SLC22A25: variants seen among roughly 807,000 people sequenced by gnomAD.
The protein encoded by SLC22A25 is solute carrier family 22 member 25, also known as MGI:2442751, MGI:2385316, MGI:3042283, MGI:3645714, MGI:3605624, MGI:2442750.
Under a neutral mutation model 45.9 loss-of-function variants are expected in SLC22A25, and 44 were observed. The ratio of observed to expected loss-of-function variants is 0.96; its 90% CI spans 0.75 to 1.23. The LOEUF (loss-of-function observed/expected upper bound fraction) is 1.23, where lower values mean the gene tolerates loss of function less well. Ranked by LOEUF, SLC22A25 falls within the 50% of genes most tolerant of loss-of-function variation. SLC22A25 has a pLI of 0.00. For missense variants in SLC22A25, 800 were observed against 666.4 expected, an observed-to-expected ratio of 1.20 and a Z score of -2.21; for synonymous variants, 283 against 238.6, an observed-to-expected ratio of 1.19 and a Z score of -1.72.
chr11:63,208,463 C>G (rs1382205912), intron 7 of SLC22A25, among the ~76,000 whole-genome samples: 5 of 152,166 alleles, frequency 3.3e-5, no homozygotes, highest in Admixed American at 3.3e-4. Flanking sequence ...TTCATTGGAT[C>G]TGGAGACAGG....
At chr11:63,217,542 C>A in intron 6 of SLC22A25, 39 bp downstream of exon 6, 1 of 1,609,648 alleles carries the variant, frequency 6.2e-7, no homozygotes, top group Non-Finnish European at 8.5e-7. Context: ...AATGTCAAAG[C>A]CAAGGCTTGG....
intron 7 of SLC22A25, among the ~76,000 whole-genome samples, chr11:63,187,715 T>G (rs2088617343): frequency 6.6e-6 from 1 of 152,180 alleles, no homozygotes; most frequent in Admixed American, 6.5e-5. Context: ...TTGAGATACC[T>G]CTCATCAATA....
chr11:63,173,190 G>A (rs906242058), intron 9 of SLC22A25, among the ~76,000 whole-genome samples: 1 of 150,812 alleles, frequency 6.6e-6, no homozygotes, highest in African/African-American at 2.4e-5. Context: ...GACACAGGGA[G>A]GGAGACATCA....
chr11:63,184,933 A>C (rs1279687673), intron 7 of SLC22A25, among the ~76,000 whole-genome samples: 3 of 152,142 alleles, frequency 2.0e-5, no homozygotes, highest in African/African-American at 7.2e-5. Context: ...CTGACATGAC[A>C]GAAGCAGAAT....
At chr11:63,183,641 G>C (rs561898218) in intron 8 of SLC22A25, 53 bp downstream of exon 8, 19 of 1,608,190 alleles carry the variant, frequency 1.2e-5, no homozygotes, top group Admixed American at 5.0e-5. Context: ...AACAAGTATA[G>C]ATGACAATTT....
At chr11:63,225,354 ACT>A (rs2089939859) in intron 5 of SLC22A25, among the ~76,000 whole-genome samples, 1 of 151,562 alleles carries the variant, frequency 6.6e-6, no homozygotes, top group Non-Finnish European at 1.5e-5. Context: ...TGTTTGGGAA[ACT>A]CTTTATTTCT....
intron 3 of SLC22A25, among the ~76,000 whole-genome samples, chr11:63,230,558 TG>T (rs1279141386): frequency 6.6e-6 from 1 of 152,164 alleles, no homozygotes; most frequent in Admixed American, 6.5e-5. Context: ...AGGAGAAAAT[TG>T]CACCTTGATT....
intron 8 of SLC22A25, among the ~76,000 whole-genome samples, chr11:63,181,218 C>T (rs1432420764): frequency 6.6e-6 from 1 of 152,018 alleles, no homozygotes; most frequent in Non-Finnish European, 1.5e-5. Flanking sequence ...TATTTTGGTT[C>T]TTGTTTCAGA....
intron 3 of SLC22A25, among the ~76,000 whole-genome samples, chr11:63,230,812 C>A (rs963414611): frequency 1.3e-5 from 2 of 152,164 alleles, no homozygotes; most frequent in African/African-American, 4.8e-5. Flanking sequence ...CCCCTAACCC[C>A]AAGACAGGCC....
chr11:63,191,255 C>T (rs1032617751), intron 7 of SLC22A25, among the ~76,000 whole-genome samples: 3 of 152,180 alleles, frequency 2.0e-5, no homozygotes, highest in Non-Finnish European at 4.4e-5. Context: ...GGTGGGTGCC[C>T]CTCCCCCAGC....
chr11:63,184,447 G>A (rs1338847607), intron 7 of SLC22A25, among the ~76,000 whole-genome samples: 3 of 152,052 alleles, frequency 2.0e-5, no homozygotes, highest in Admixed American at 1.3e-4. Context: ...TCTCTCTGAG[G>A]TAAAGACCAA....
intron 7 of SLC22A25, among the ~76,000 whole-genome samples, chr11:63,194,631 G>A (rs915691353): frequency 1.2e-4 from 19 of 152,076 alleles, no homozygotes; most frequent in East Asian, 3.9e-4. Flanking sequence ...AAAGACCATC[G>A]ATGCTAGGAA....
rs902181440 is a variant in SLC22A25 at position 63,158,874 on chromosome 11, C to T, written c.*4950G>A. On this transcript the variant is annotated 3_prime_UTR_variant, in exon 12 of 12. Transcript: ENST00000306494. Reference sequence around the variant, plus strand: ...TCTTTCCAACTTCCTTTTTTCCCCCCATTAACTATTCCCACTTCCCCTGAA... The same window carrying T: ...TCTTTCCAACTTCCTTTTTTCCCCCTATTAACTATTCCCACTTCCCCTGAA... 6.6e-6 allele frequency among the ~76,000 whole-genome samples: 1 copy of T among 152,104 alleles called. No homozygotes were observed. Among genetic ancestry groups the T allele is most frequent in the Non-Finnish European group, 1.5e-5 (1 of 68,006 alleles).
intron 10 of SLC22A25, among the ~76,000 whole-genome samples, chr11:63,165,690 A>G (rs2087655235): frequency 1.3e-5 from 2 of 152,218 alleles, no homozygotes; most frequent in African/African-American, 4.8e-5. Flanking sequence ...TTGTGTTCTC[A>G]TATTGGGATA....
chr11:63,202,781 C>T (rs2089287225), intron 7 of SLC22A25, among the ~76,000 whole-genome samples: 1 of 152,232 alleles, frequency 6.6e-6, no homozygotes. Context: ...AGCAGTGGAT[C>T]TCCGAGCACA....
At chr11:63,186,768 G>A (rs1257283248) in intron 7 of SLC22A25, among the ~76,000 whole-genome samples, 1 of 152,144 alleles carries the variant, frequency 6.6e-6, no homozygotes, top group Admixed American at 6.5e-5. Flanking sequence ...CATATGGCTA[G>A]CCAGTTTTCC....
At chr11:63,177,806 C>A (rs1167993065) in intron 9 of SLC22A25, among the ~76,000 whole-genome samples, 2 of 87,462 alleles carry the variant, frequency 2.3e-5, no homozygotes, top group Non-Finnish European at 5.1e-5. Flanking sequence ...TATATATATC[C>A]AAATACATAT....
At chr11:63,172,687 C>A (rs73499734) in intron 9 of SLC22A25, among the ~76,000 whole-genome samples, 3,198 of 146,046 alleles carry the variant, frequency 0.022, 116 homozygotes, top group African/African-American at 0.076. Context: ...TGGTGGATAG[C>A]CTAATGTGAT....
intron 7 of SLC22A25, among the ~76,000 whole-genome samples, chr11:63,214,630 A>G (rs2089663721): frequency 6.6e-6 from 1 of 152,164 alleles, no homozygotes; most frequent in African/African-American, 2.4e-5. Context: ...GTTGTAAAAC[A>G]TGTTTTTCCT....
Sources: gnomAD v4.1 joint callset for allele counts (sites outside exome capture counted in the v4.1 genomes callset) on GRCh38, gnomAD v4.1.1 for gene constraint, MANE v1.5 for transcripts, NCBI Gene and HGNC (gene_info 2026-07-23, HGNC 2026-07-21) for gene names.